The following SYT3 variants were observed in gnomAD, a reference collection of about 807,000 sequenced individuals.
The protein encoded by SYT3 is synaptotagmin 3.
SYT3 carries 25 observed loss-of-function variants against 50.6 expected under a neutral mutation model. That is an observed-to-expected ratio of 0.49 (90% CI 0.36 to 0.69). The LOEUF is 0.69. Ranked by LOEUF, SYT3 falls within the 30% of genes least tolerant of loss-of-function variation. The probability of loss-of-function intolerance (pLI) is 0.00; values close to 1 mark genes in which losing one functional copy is unlikely to be tolerated. For missense variants in SYT3, 589 were observed against 793.6 expected (o/e 0.74, Z 3.10); for synonymous variants, 323 against 353.9 (o/e 0.91, Z 0.98).
intron 9 of SYT3, among the ~76,000 whole-genome samples, chr19:50,624,662 C>T (rs1983978050): frequency 6.6e-6 from 1 of 151,868 alleles, no homozygotes; most frequent in Non-Finnish European, 1.5e-5. Context: ...AAGCGATTCT[C>T]CTGCCTCAGC....
Position 50,630,074 on chromosome 19 carries a change from G to A in SYT3, c.772C>T (p.Pro258Ser). 6.2e-7 allele frequency: 1 copy of A among 1,613,906 alleles called. No individual in the cohort carries two copies. The highest frequency in any genetic ancestry group is 8.5e-7 in the Non-Finnish European group (1 of 1,179,918). The change falls in exon 5 of 11, where the codon CCT (proline) becomes TCT (serine). Residue 258 changes from proline to serine, a missense_variant. By Grantham distance (74) the Pro-to-Ser change is moderately conservative. Transcript: ENST00000600079. ...AGTTTGGCTTTTTCCTCGCCTCCAG[G>A]CAGGGGTAAGGGCAGGGCAGGTGGC... ...ERPPALPLPL[P>S]GGEEKAKLIG... is the part of the protein sequence containing the mutation.
intron 6 of SYT3, 197 bp from the exon 7 acceptor site, chr19:50,626,214 T>G: frequency 1.3e-6 from 1 of 741,590 alleles, no homozygotes; most frequent in Non-Finnish European, 2.1e-6. Flanking sequence ...CAAAGCTTAT[T>G]TGTTCTGCAG....
intron 9 of SYT3, among the ~76,000 whole-genome samples, chr19:50,624,680 GT>G (rs1324156801): frequency 6.6e-6 from 1 of 151,744 alleles, no homozygotes; most frequent in African/African-American, 2.4e-5. Context: ...AGCCTCCCAA[GT>G]AGCTGGGATT....
rs1334022222 is a variant in SYT3 at position 50,639,494 on chromosome 19, C to T, written c.-154+296G>A. Among the ~76,000 whole-genome samples, 1 of 151,662 alleles carries T rather than the reference C, an allele frequency of 6.6e-6. No homozygotes were observed. The highest frequency in any genetic ancestry group is 1.5e-5 in the Non-Finnish European group (1 of 67,896). On this transcript the variant is annotated intron_variant, in intron 1 of 10. Transcript: ENST00000600079. This position sits in a 1 kb window ranked among gnomAD's most constrained non-coding sequence, Gnocchi z 4.6. ...CGCTTCAGGGGAGGGGAACGATGTCCGGGACTTCGAAAAGCCACGGAGCCC... is the reference window on the plus strand; with the variant it reads ...CGCTTCAGGGGAGGGGAACGATGTCTGGGACTTCGAAAAGCCACGGAGCCC...
intron 3 of SYT3, among the ~76,000 whole-genome samples, chr19:50,633,544 G>C (rs1984394089): frequency 6.6e-6 from 1 of 152,210 alleles, no homozygotes. Context: ...AGGCAGGGCA[G>C]GGTTTAAATC....
chr19:50,655,978 G>T, the SYT3 span: 72 of 1,419,720 alleles, frequency 5.1e-5, no homozygotes, highest in Non-Finnish European at 6.6e-5. Flanking sequence ...CAAGCAATTG[G>T]TGATGGCCAT....
rs1431455389 is a variant in SYT3, at chr19:50,632,161, A to G, written c.674+125T>C. The G allele has an allele frequency of 7.2e-6, 8 of 1,103,708 alleles. No homozygotes were observed. The highest frequency in any genetic ancestry group is 6.3e-6 in the Non-Finnish European group (5 of 789,252). The allele number at this position is 1,103,708 out of a possible 1,614,324, so 68.4% of individuals were successfully genotyped here. On this transcript the variant is annotated intron_variant, in intron 4 of 10. Coordinates refer to ENST00000600079, the MANE Select transcript of SYT3 (RefSeq NM_001160329.2). The surrounding 1 kb of genome is among the most constrained non-coding windows in gnomAD (Gnocchi z 4.7). ...AGGGCCCCAGCCTCCTCTTTCCCTAAGATCCAGGAGTCAATACCCCGATTC... is the reference window on the plus strand; with the variant it reads ...AGGGCCCCAGCCTCCTCTTTCCCTAGGATCCAGGAGTCAATACCCCGATTC...
intron 3 of SYT3, among the ~76,000 whole-genome samples, chr19:50,633,813 A>T (rs1984405215): frequency 6.6e-6 from 1 of 152,186 alleles, no homozygotes; most frequent in Non-Finnish European, 1.5e-5. Flanking sequence ...CCTGTTTTCC[A>T]CAAAAGAAAA....
rs757397160 is a variant in SYT3 at position 50,637,359 on chromosome 19, G to A, written c.53C>T (p.Ser18Leu). ...ATCTCGGACCCGCGCACAGAGGTCCGAGACCAGGATGAGTGCCCGCCGGCA... is the reference window on the plus strand; with the variant it reads ...ATCTCGGACCCGCGCACAGAGGTCCAAGACCAGGATGAGTGCCCGCCGGCA... The part of the protein sequence containing the change: ...DLCRRALILV[S>L]DLCARVRDAD... The change falls in exon 3 of 11, where the codon TCG becomes TTG. Residue 18 changes from serine (S) to leucine (L), a missense_variant. Ser to Leu is a moderately radical substitution (Grantham distance 145, BLOSUM62 -2). Coordinates refer to ENST00000600079, the MANE Select transcript of SYT3 (RefSeq NM_001160329.2). This position sits in a 1 kb window ranked among gnomAD's most constrained non-coding sequence, Gnocchi z 4.9. The A allele has an allele frequency of 3.7e-6, 6 of 1,611,582 alleles. No homozygotes were observed. Among genetic ancestry groups the A allele is most frequent in the Admixed American group, 3.3e-5 (2 of 60,010 alleles).
At chr19:50,649,056 G>A in the SYT3 span, among the ~76,000 whole-genome samples, 2 of 150,466 alleles carry the variant, frequency 1.3e-5, no homozygotes, top group South Asian at 2.1e-4. Flanking sequence ...AGGAGAGAAG[G>A]AGGGAGGAGG....
At chr19:50,649,788 C>G in the SYT3 span, 4 of 568,606 alleles carry the variant, frequency 7.0e-6, no homozygotes, top group Non-Finnish European at 1.3e-5. Context: ...TGAGGCCATT[C>G]TTCTCCTAGG....
chr19:50,627,087 T>C (rs1984098778), intron 6 of SYT3, among the ~76,000 whole-genome samples: 1 of 152,160 alleles, frequency 6.6e-6, no homozygotes, highest in Non-Finnish European at 1.5e-5. Flanking sequence ...CCCCCAACCC[T>C]GACACACAGG....
At chr19:50,640,749 CATA>C (rs917206623), upstream of SYT3, among the ~76,000 whole-genome samples, 1 of 152,176 alleles carries the variant, frequency 6.6e-6, no homozygotes, top group Non-Finnish European at 1.5e-5. Flanking sequence ...AAAAAAATCT[CATA>C]ATGTTTTAAG....
At chr19:50,654,750 C>T in the SYT3 span, among the ~76,000 whole-genome samples, 4 of 152,130 alleles carry the variant, frequency 2.6e-5, no homozygotes, top group African/African-American at 9.7e-5. Flanking sequence ...CCACCCTAGC[C>T]TCCTCAGTAG....
Position 50,637,068 on chromosome 19 carries a change from C to A in SYT3, c.148+196G>T, listed in dbSNP as rs1158463641. On this transcript the variant is annotated intron_variant, in intron 3 of 10. Coordinates refer to ENST00000600079, the MANE Select transcript of SYT3 (RefSeq NM_001160329.2). This position sits in a 1 kb window ranked among gnomAD's most constrained non-coding sequence, Gnocchi z 4.9. ...GGTAGTCGGAGGGAGGCCCACAGGG[C>A]AAAACTCAAAAAGCAGACCACACAG... Among the ~76,000 whole-genome samples, 10 of 152,044 alleles carry A rather than the reference C, an allele frequency of 6.6e-5. No individual in the cohort carries two copies. Among genetic ancestry groups the A allele is most frequent in the African/African-American group, 1.7e-4 (7 of 41,390 alleles).
chr19:50,633,692 A>T (rs1984399317), intron 3 of SYT3, among the ~76,000 whole-genome samples: 1 of 152,260 alleles, frequency 6.6e-6, no homozygotes. Context: ...TGTGGAAGAT[A>T]ATAACAAACA....
At position 50,632,153 on chromosome 19, in the gene SYT3, T is replaced by C. The variant is rs1984329022; in HGVS notation, c.674+133A>G. 1 of 1,055,338 alleles carries C rather than the reference T, an allele frequency of 9.5e-7. No individual in the cohort carries two copies. Among genetic ancestry groups the C allele is most frequent in the South Asian group, 2.1e-5 (1 of 48,194 alleles). 65.4% of individuals were successfully genotyped at this position (1,055,338 alleles called of 1,614,324 possible). A position where few individuals can be genotyped will look rare whatever the true frequency, so the allele number is the denominator to read the frequency against. On this transcript the variant is annotated intron_variant, in intron 4 of 10. Transcript: ENST00000600079. This position sits in a 1 kb window ranked among gnomAD's most constrained non-coding sequence, Gnocchi z 4.7. ...AGGAGTCTAGGGCCCCAGCCTCCTC[T>C]TTCCCTAAGATCCAGGAGTCAATAC...
In SYT3 at chr19:50,639,401, T is replaced by G. The variant is rs902649493; in HGVS notation, c.-153-239A>C. On this transcript the variant is annotated intron_variant, in intron 1 of 10. Coordinates refer to ENST00000600079, the MANE Select transcript of SYT3 (RefSeq NM_001160329.2). The surrounding 1 kb of genome is among the most constrained non-coding windows in gnomAD (Gnocchi z 4.6). ...GTTGAAGTCCTTAATGCCTCCGGGC[T>G]GCAGAGAGGATGGGATTTTTTTTTT... 6.7e-5 allele frequency: 10 copies of G among 149,150 alleles called. No individual in the cohort carries two copies. Among genetic ancestry groups the G allele is most frequent in the Admixed American group, 3.3e-4 (5 of 15,010 alleles). The allele number at this position is 149,150 out of a possible 1,614,324, so 9.2% of individuals were successfully genotyped here.
Position 50,632,463 on chromosome 19 carries a change from G to A in SYT3, c.497C>T (p.Ser166Leu), listed in dbSNP as rs746441568. ...TPEPSYLDMD[S>L]YPEAAAAAVA... ...TGCTGCTGCTGCAGCCTCTGGATAC[G>A]AGTCCATGTCCAAGTAGGAGGGCTC... Residue 166 changes from serine (S) to leucine (L), a missense_variant, in exon 4 of 11, where the codon TCG (serine) becomes TTG (leucine). Physicochemically the swap from Ser to Leu is moderately radical, Grantham distance 145. This residue lies in a region of SYT3 where 316 missense variants were observed against 354.3 expected (regional missense o/e 0.89). Transcript: ENST00000600079. This position sits in a 1 kb window ranked among gnomAD's most constrained non-coding sequence, Gnocchi z 4.7. The A allele has an allele frequency of 5.0e-6, 8 of 1,613,386 alleles. No individual in the cohort carries two copies. Among genetic ancestry groups the A allele is most frequent in the South Asian group, 1.1e-5 (1 of 91,072 alleles).
Sources: gnomAD v4.1 joint callset for allele counts (sites outside exome capture counted in the v4.1 genomes callset) on GRCh38, gnomAD v4.1.1 for gene constraint, gnomAD v4.1.1 regional missense constraint, Gnocchi (gnomAD v3.1) non-coding constraint, MANE v1.5 for transcripts, NCBI Gene and HGNC (gene_info 2026-07-23, HGNC 2026-07-21) for gene names.